The following COL9A3 variants were observed in gnomAD, a reference collection of about 807,000 sequenced individuals.
COL9A3 encodes the protein collagen type IX alpha 3 chain, also known as collagen alpha-3(IX) chain.
In COL9A3, 82 loss-of-function variants were observed where a neutral mutation model predicts 110.2. That is an observed-to-expected ratio of 0.74 (90% confidence interval 0.62 to 0.89). The LOEUF is 0.89. Among genes scored for constraint, COL9A3 ranks in the 40% least tolerant of loss-of-function variants. The pLI is 0.00. For synonymous variants in COL9A3, 494 were observed against 403.8 expected (o/e 1.22, Z -2.68); for missense variants, 1,066 against 981.3 (o/e 1.09, Z -1.15).
chr20:62,817,163 C>A, intron 1 of COL9A3, 21 bp downstream of exon 1: 1 of 1,377,240 alleles, frequency 7.3e-7, no homozygotes, highest in South Asian at 1.5e-5. Context: ...GCTCCGGGCT[C>A]TGAGGCTGGA....
At chr20:62,825,100 G>A (rs1443950195) in intron 12 of COL9A3, 79 bp downstream of exon 12, 2 of 593,544 alleles carry the variant, frequency 3.4e-6, no homozygotes. Flanking sequence ...GCTGGGCTCC[G>A]GCGGGAGGGA....
At chr20:62,834,924 C>T (rs916193681) in intron 26 of COL9A3, among the ~76,000 whole-genome samples, 1 of 152,262 alleles carries the variant, frequency 6.6e-6, no homozygotes, top group Non-Finnish European at 1.5e-5. Context: ...CAGGCGTGAG[C>T]CACCTCGCCC....
intron 4 of COL9A3, 69 bp from the exon 5 acceptor site, chr20:62,819,860 C>T (rs1991060811): frequency 3.8e-6 from 6 of 1,578,478 alleles, no homozygotes; most frequent in South Asian, 1.1e-5. Flanking sequence ...TCCGTGCTTC[C>T]ATTTTTGCCT....
Position 62,825,001 on chromosome 20 carries a change from G to A in COL9A3, c.610G>A (p.Val204Ile), listed in dbSNP as rs1287500803. Residue 204 changes from valine to isoleucine, a missense_variant, in exon 12 of 32, where the codon GTC (valine) becomes ATC (isoleucine). By Grantham distance (29) the Val-to-Ile change is conservative. Coordinates refer to ENST00000649368, the MANE Select transcript of COL9A3 (RefSeq NM_001853.4). ...PTGYKGEQGEVGKDGEKGDPG... is the reference protein window; with the variant it reads ...PTGYKGEQGEIGKDGEKGDPG... ...TGGCTACAAAGGCGAGCAGGGGGAA[G>A]TCGGCAAGGACGGCGAGAAGGTGAA... 2.5e-6 allele frequency: 4 copies of A among 1,610,270 alleles called. No homozygotes were observed. The highest frequency in any genetic ancestry group is 3.4e-6 in the Non-Finnish European group (4 of 1,179,408).
intron 4 of COL9A3, 43 bp downstream of exon 4, chr20:62,819,336 C>T (rs112298815): frequency 1.3e-6 from 2 of 1,572,838 alleles, no homozygotes; most frequent in Non-Finnish European, 8.7e-7. Context: ...ACTCCCCGCT[C>T]CGGGTCCCTG....
At position 62,837,356 on chromosome 20, in the gene COL9A3, C is replaced by G. The variant is rs539696395; in HGVS notation, c.1786+91C>G. 3.6e-6 allele frequency: 5 copies of G among 1,402,184 alleles called. No homozygotes were observed. In the African/African-American group the frequency reaches 7.1e-5, roughly 20 times the overall value. 86.9% of individuals were successfully genotyped at this position (1,402,184 alleles called of 1,614,324 possible). A position where few individuals can be genotyped will look rare whatever the true frequency, so the allele number is the denominator to read the frequency against. ...GGCGCTGCTTCTGGTGCCTGCCATG[C>G]GCCCTCAGGGGTAACCCCTGGAACG... On this transcript the variant is annotated intron_variant, in intron 30 of 31. Transcript: ENST00000649368.
In COL9A3 at chr20:62,837,207, T is replaced by C; in HGVS notation, c.1728T>C (p.Ala576=). Reference sequence around the variant, plus strand: ...CAGGCTCCATTGGTCACCCTGGCGCTCGAGGACCCCCTGGATACCGCGGTC... The same window carrying C: ...CAGGCTCCATTGGTCACCCTGGCGCCCGAGGACCCCCTGGATACCGCGGTC... ...GPPGSIGHPG[A]RGPPGYRGPT... The change falls in exon 30 of 32, where the codon GCT becomes GCC. Residue 576 remains alanine (A), a synonymous_variant. Transcript: ENST00000649368. 1 of 1,612,372 alleles carries C rather than the reference T, an allele frequency of 6.2e-7. No individual in the cohort carries two copies. Among genetic ancestry groups the C allele is most frequent in the South Asian group, 1.1e-5 (1 of 91,048 alleles).
intron 22 of COL9A3, 23 bp from the exon 23 acceptor site, chr20:62,830,337 C>T (rs1600802942): frequency 6.4e-7 from 1 of 1,563,600 alleles, no homozygotes; most frequent in South Asian, 1.2e-5. Context: ...GACATCCGCT[C>T]ACACCTCACC....
At position 62,837,091 on chromosome 20, in the gene COL9A3, GCA is replaced by G. The variant is rs746555971; in HGVS notation, c.1615_1616del (p.Gln539ValfsTer61). ...LCGGMISEQI[A>X]QLAAHLRKPL... ...CCCTTGTTTTCCCAAAGAACAAATT[GCA>G]CAGTTAGCCGCGCACCTAAGGAAGC... On this transcript the variant is annotated frameshift_variant, in exon 30 of 32. Coordinates refer to ENST00000649368, the MANE Select transcript of COL9A3 (RefSeq NM_001853.4). LOFTEE classifies it high-confidence loss of function. The G allele has an allele frequency of 1.9e-6, 3 of 1,613,232 alleles. No homozygotes were observed. Among genetic ancestry groups the G allele is most frequent in the Middle Eastern group, 1.7e-4 (1 of 6,054 alleles).
At chr20:62,830,325 G>A (rs569053661) in intron 22 of COL9A3, 35 bp from the exon 23 acceptor site, 7 of 1,557,290 alleles carry the variant, frequency 4.5e-6, no homozygotes, top group East Asian at 4.8e-5. Context: ...CTCGAACCCT[G>A]AGACATCCGC....
chr20:62,839,810 C>T (rs2063661786), intron 31 of COL9A3, among the ~76,000 whole-genome samples: 2 of 148,682 alleles, frequency 1.3e-5, no homozygotes, highest in African/African-American at 5.0e-5. Flanking sequence ...GTCCTCCCCT[C>T]CATGCACGCA....
intron 5 of COL9A3, 105 bp downstream of exon 5, chr20:62,820,087 G>T (rs1991070050): frequency 3.7e-6 from 5 of 1,357,372 alleles, no homozygotes; most frequent in South Asian, 1.2e-5. Flanking sequence ...TAGTTCCAAG[G>T]ACAGCTGCCC....
intron 26 of COL9A3, among the ~76,000 whole-genome samples, chr20:62,833,914 C>T (rs995506579): frequency 6.6e-6 from 1 of 152,038 alleles, no homozygotes; most frequent in Non-Finnish European, 1.5e-5. Flanking sequence ...GAGTCTCGCT[C>T]TTTCGCCCAG....
Position 62,823,835 on chromosome 20 carries a change from G to C in COL9A3, c.520-610G>C, listed in dbSNP as rs3787517. 2.6e-5 allele frequency among the ~76,000 whole-genome samples: 4 copies of C among 152,378 alleles called. No homozygotes were observed. In the East Asian group the frequency reaches 7.7e-4, roughly 29 times the overall value. On this transcript the variant is annotated intron_variant, in intron 10 of 31. Transcript: ENST00000649368. ...TGCAAGGCCCCCTGCAGTGCCGGCC[G>C]GGACTGTGCTGAATGGCTGCTTTGA...
intron 3 of COL9A3, 59 bp downstream of exon 3, chr20:62,818,612 C>G: frequency 3.3e-6 from 5 of 1,521,964 alleles, no homozygotes; most frequent in Non-Finnish European, 4.6e-6. Flanking sequence ...AGGGGGAACT[C>G]AGAACAGAGG....
At chr20:62,828,111 C>A in intron 17 of COL9A3, 135 bp downstream of exon 17, 1 of 840,948 alleles carries the variant, frequency 1.2e-6, no homozygotes, top group Non-Finnish European at 2.0e-6. Flanking sequence ...AACGGTGGAA[C>A]AGCCCCGCAG....
In COL9A3 at chr20:62,835,929, C is replaced by T. The variant is rs147176983; in HGVS notation, c.1377C>T (p.Ser459=). ...LPGDKGELGP[S]GLVGPKGESG... ...AACTTTTCTCTTCACAGGGTCCCAGCGGCCTGGTCGGACCCAAAGGAGAGG... is the reference window on the plus strand; with the variant it reads ...AACTTTTCTCTTCACAGGGTCCCAGTGGCCTGGTCGGACCCAAAGGAGAGG... Residue 459 remains serine (S), a synonymous_variant, in exon 27 of 32, where the codon AGC becomes AGT. Coordinates refer to ENST00000649368, the MANE Select transcript of COL9A3 (RefSeq NM_001853.4). 3.6e-5 allele frequency: 58 copies of T among 1,614,104 alleles called. 1 individual carries two copies. In the East Asian group the frequency reaches 4.2e-4, roughly 12 times the overall value.
At chr20:62,817,238 C>A (rs373609557) in intron 1 of COL9A3, 96 bp downstream of exon 1, 1 of 924,720 alleles carries the variant, frequency 1.1e-6, no homozygotes, top group Non-Finnish European at 1.4e-6. Context: ...AGCCTCGACG[C>A]CCCCAGCCCG....
chr20:62,826,767 G>T lies in COL9A3; in HGVS notation c.739G>T (p.Gly247Cys). Residue 247 changes from glycine to cysteine, a missense_variant and splice_region_variant, in exon 15 of 32, where the codon GGT (glycine) becomes TGT (cysteine). Coordinates refer to ENST00000649368, the MANE Select transcript of COL9A3 (RefSeq NM_001853.4). ...PGPLGPPGDR[G>C]PIGFRGPPGI... Reference sequence around the variant, plus strand: ...CCCGGATCCCCTCTCTCCTCTGCAGGGTCCCATTGGGTTCCGAGGGCCGCC... The same window carrying T: ...CCCGGATCCCCTCTCTCCTCTGCAGTGTCCCATTGGGTTCCGAGGGCCGCC... 1 of 1,612,720 alleles carries T rather than the reference G, an allele frequency of 6.2e-7. No individual in the cohort carries two copies. Among genetic ancestry groups the T allele is most frequent in the Non-Finnish European group, 8.5e-7 (1 of 1,179,918 alleles).
Sources: allele counts gnomAD v4.1 joint callset (sites outside exome capture counted in the v4.1 genomes callset), GRCh38; gene constraint gnomAD v4.1.1; transcripts MANE v1.5; gene names NCBI Gene and HGNC (gene_info 2026-07-23, HGNC 2026-07-21).